Variants in IVL observed in about 807,000 individuals in gnomAD.
The protein encoded by IVL is involucrin.
For missense variants in IVL, 722 were observed against 624.9 expected, an observed-to-expected ratio of 1.16 and a Z score of -1.66; for synonymous variants, 257 against 271.0, an observed-to-expected ratio of 0.95 and a Z score of 0.51.
Position 152,910,383 on chromosome 1 carries a change from C to G in IVL, c.586C>G (p.Pro196Ala). Residue 196 changes from proline to alanine, a missense_variant, in exon 2 of 2, where the codon CCA (proline) becomes GCA (alanine). Physicochemically the swap from Pro to Ala is conservative, Grantham distance 27. Transcript: ENST00000368764. ...PEQQEGQLEL[P>A]EQQEGQLELP... ...GCAGCAGGAGGGGCAGCTGGAGCTCCCAGAGCAGCAGGAGGGGCAGCTGGA... is the reference window on the plus strand; with the variant it reads ...GCAGCAGGAGGGGCAGCTGGAGCTCGCAGAGCAGCAGGAGGGGCAGCTGGA... The G allele has an allele frequency of 1.9e-6, 2 of 1,080,252 alleles. No individual in the cohort carries two copies. Among genetic ancestry groups the G allele is most frequent in the South Asian group, 3.3e-5 (2 of 59,926 alleles). The allele number at this position is 1,080,252 out of a possible 1,614,324, so 66.9% of individuals were successfully genotyped here.
In IVL at chr1:152,910,312, A is replaced by T; in HGVS notation, c.515A>T (p.Gln172Leu). 1.9e-6 allele frequency: 3 copies of T among 1,591,302 alleles called. No individual in the cohort carries two copies. Among genetic ancestry groups the T allele is most frequent in the Non-Finnish European group, 2.6e-6 (3 of 1,164,748 alleles). ...HLKHLEQQEG[Q>L]LKHPEQQEGQ... ...AAGCACCTAGAGCAGCAGGAGGGAC[A>T]GCTGAAGCACCCGGAGCAGCAGGAG... Residue 172 changes from glutamine (Q) to leucine (L), a missense_variant, in exon 2 of 2, where the codon CAG becomes CTG. By Grantham distance (113) the Gln-to-Leu change is moderately radical. Coordinates refer to ENST00000368764, the MANE Select transcript of IVL (RefSeq NM_005547.4).
chr1:152,909,683 G>C (rs772461265), intron 1 of IVL, 96 bp from the exon 2 acceptor site: 10 of 906,202 alleles, frequency 1.1e-5, no homozygotes, highest in Non-Finnish European at 1.7e-5. Context: ...CAAGGGAAGA[G>C]GGGATGCTAA....
Position 152,911,285 on chromosome 1 carries a change from G to C in IVL, c.1488G>C (p.Gln496His). 3 of 1,564,150 alleles carry C rather than the reference G, an allele frequency of 1.9e-6. No homozygotes were observed. The highest frequency in any genetic ancestry group is 1.7e-6 in the Non-Finnish European group (2 of 1,154,216). Residue 496 changes from glutamine (Q) to histidine (H), a missense_variant, in exon 2 of 2, where the codon CAG becomes CAC. Gln to His is a conservative substitution (Grantham distance 24). Coordinates refer to ENST00000368764, the MANE Select transcript of IVL (RefSeq NM_005547.4). ...CACAGCTGGAGCTCCCAGAGCAGCAGGTAGGACAGCCAAAGCACCTGGAAC... is the reference window on the plus strand; with the variant it reads ...CACAGCTGGAGCTCCCAGAGCAGCACGTAGGACAGCCAAAGCACCTGGAAC... ...QEAQLELPEQ[Q>H]VGQPKHLEQQ...
At position 152,911,343 on chromosome 1, in the gene IVL, C is replaced by G; in HGVS notation, c.1546C>G (p.Gln516Glu). The change falls in exon 2 of 2, where the codon CAG becomes GAG. Residue 516 changes from glutamine to glutamate, a missense_variant. Coordinates refer to ENST00000368764, the MANE Select transcript of IVL (RefSeq NM_005547.4). ...QEKHLEHPEQ[Q>E]DGQLKHLEQQ... ...AAAGCACCTAGAGCACCCAGAGCAG[C>G]AGGACGGACAACTAAAACATCTGGA... The G allele has an allele frequency of 1.3e-6, 2 of 1,599,868 alleles. No individual in the cohort carries two copies. Among genetic ancestry groups the G allele is most frequent in the East Asian group, 2.3e-5 (1 of 44,172 alleles).
Position 152,911,586 on chromosome 1 carries a change from G to A in IVL, c.*31G>A, listed in dbSNP as rs778918915. ...CGCAGTGTCCAGAGGCCCTCAGATC[G>A]TCTCATACAAGGGAAGAGAGAGCCA... On this transcript the variant is annotated 3_prime_UTR_variant, in exon 2 of 2. Transcript: ENST00000368764. 1.2e-5 allele frequency: 18 copies of A among 1,562,676 alleles called. No homozygotes were observed. Among genetic ancestry groups the A allele is most frequent in the Middle Eastern group, 1.8e-4 (1 of 5,550 alleles).
chr1:152,909,650 AGGT>A, intron 1 of IVL, 126 bp from the exon 2 acceptor site: 1 of 675,874 alleles, frequency 1.5e-6, no homozygotes, highest in Non-Finnish European at 2.5e-6. Context: ...GATAGTCCAG[AGGT>A]GGTAGAACAG....
Position 152,911,641 on chromosome 1 carries a change from T to C in IVL, c.*86T>C, listed in dbSNP as rs1181385335. 3 of 1,274,078 alleles carry C rather than the reference T, an allele frequency of 2.4e-6. No individual in the cohort carries two copies. Among genetic ancestry groups the C allele is most frequent in the Non-Finnish European group, 3.3e-6 (3 of 912,684 alleles). 78.9% of individuals were successfully genotyped at this position (1,274,078 alleles called of 1,614,324 possible). A position where few individuals can be genotyped will look rare whatever the true frequency, so the allele number is the denominator to read the frequency against. On this transcript the variant is annotated 3_prime_UTR_variant, in exon 2 of 2. Transcript: ENST00000368764. Reference sequence around the variant, plus strand: ...CTCCACTTATTTCGGGTCCGCTAGGTGGCCCGTCTCATCTGTGAACTTGAC... The same window carrying C: ...CTCCACTTATTTCGGGTCCGCTAGGCGGCCCGTCTCATCTGTGAACTTGAC...
rs1649954111 is a variant in IVL, at chr1:152,910,802, GC to G, written c.1006del (p.Leu336TrpfsTer8). The G allele has an allele frequency of 6.6e-7, 1 of 1,524,560 alleles. No individual in the cohort carries two copies. Among genetic ancestry groups the G allele is most frequent in the Non-Finnish European group, 8.8e-7 (1 of 1,135,626 alleles). The allele number at this position is 1,524,560 out of a possible 1,614,324, so 94.4% of individuals were successfully genotyped here. ...AGCAGCAGGAGGGGCAACTGGAGCA[GC>G]TGGAGGAGCAGGAGGGGCAGCTGAA... The part of the protein sequence containing the change: ...LEQQEGQLEQ[L>X]EEQEGQLKHL... On this transcript the variant is annotated frameshift_variant, in exon 2 of 2. Coordinates refer to ENST00000368764, the MANE Select transcript of IVL (RefSeq NM_005547.4). LOFTEE classifies it low-confidence loss of function (END_TRUNC).
In IVL at chr1:152,911,334, C is replaced by G. The variant is rs747420489; in HGVS notation, c.1537C>G (p.Pro513Ala). 165 of 1,593,632 alleles carry G rather than the reference C, an allele frequency of 1.0e-4. No individual in the cohort carries two copies. The highest frequency in any genetic ancestry group is 1.3e-4 in the Non-Finnish European group (156 of 1,169,992). ...LEQQEKHLEHPEQQDGQLKHL... is the reference protein window; with the variant it reads ...LEQQEKHLEHAEQQDGQLKHL... ...ACAGCAGGAAAAGCACCTAGAGCAC[C>G]CAGAGCAGCAGGACGGACAACTAAA... The change falls in exon 2 of 2, where the codon CCA becomes GCA. Residue 513 changes from proline to alanine, a missense_variant. Transcript: ENST00000368764.
rs1363117295 is a variant in IVL at position 152,911,401 on chromosome 1, A to C, written c.1604A>C (p.Gln535Pro). ...QQEGQLKDLE[Q>P]QKGQLEQPVF... Reference sequence around the variant, plus strand: ...GAGGGGCAGCTGAAGGACCTGGAGCAGCAGAAGGGGCAGCTGGAGCAGCCT... The same window carrying C: ...GAGGGGCAGCTGAAGGACCTGGAGCCGCAGAAGGGGCAGCTGGAGCAGCCT... The change falls in exon 2 of 2, where the codon CAG (glutamine) becomes CCG (proline). Residue 535 changes from glutamine (Q) to proline (P), a missense_variant. Gln to Pro is a moderately conservative substitution (Grantham distance 76). Coordinates refer to ENST00000368764, the MANE Select transcript of IVL (RefSeq NM_005547.4). The C allele has an allele frequency of 6.2e-7, 1 of 1,613,872 alleles. No individual in the cohort carries two copies. Among genetic ancestry groups the C allele is most frequent in the Non-Finnish European group, 8.5e-7 (1 of 1,179,902 alleles).
At position 152,911,850 on chromosome 1, in the gene IVL, A is replaced by G. The variant is rs1650011220; in HGVS notation, c.*295A>G. The G allele has an allele frequency of 1.1e-5, 4 of 363,098 alleles. No individual in the cohort carries two copies. Among genetic ancestry groups the G allele is most frequent in the Non-Finnish European group, 2.1e-5 (4 of 193,174 alleles). 22.5% of individuals were successfully genotyped at this position (363,098 alleles called of 1,614,324 possible). On this transcript the variant is annotated 3_prime_UTR_variant, in exon 2 of 2. Transcript: ENST00000368764. ...GAAGCTGAATCAGTGAGTGTGTACA[A>G]TGATACATAATAAATCCTGGAAGTC...
Position 152,909,950 on chromosome 1 carries a change from C to G in IVL, c.153C>G (p.Leu51=), listed in dbSNP as rs1384510228. The G allele has an allele frequency of 6.2e-7, 1 of 1,614,046 alleles. No individual in the cohort carries two copies. Among genetic ancestry groups the G allele is most frequent in the African/African-American group, 1.3e-5 (1 of 74,896 alleles). Residue 51 remains leucine, a synonymous_variant, in exon 2 of 2, where the codon CTC becomes CTG. Transcript: ENST00000368764. Reference sequence around the variant, plus strand: ...CATGCCAGAAGGTGCCTGTCGAGCTCCCAGTGGAGGTCCCATCAAAGCAAG... The same window carrying G: ...CATGCCAGAAGGTGCCTGTCGAGCTGCCAGTGGAGGTCCCATCAAAGCAAG... ...PPPCQKVPVE[L]PVEVPSKQEE...
At chr1:152,909,665 A>T in intron 1 of IVL, 114 bp from the exon 2 acceptor site, 1 of 763,360 alleles carries the variant, frequency 1.3e-6, no homozygotes, top group Non-Finnish European at 2.1e-6. Flanking sequence ...GTAGAACAGT[A>T]CCCTGCCCAA....
Position 152,909,765 on chromosome 1 carries a change from C to T in IVL, c.-19-14C>T. The T allele has an allele frequency of 6.3e-7, 1 of 1,587,190 alleles. No homozygotes were observed. Among genetic ancestry groups the T allele is most frequent in the Non-Finnish European group, 8.6e-7 (1 of 1,165,380 alleles). ...TGCCTTCAGCCTGTGCATCAGACCT[C>T]TTCTGTCTTTCAGGTTGACAGTAGC... is the stretch of plus-strand genomic sequence containing the variant. On this transcript the variant is annotated splice_polypyrimidine_tract_variant and intron_variant, in intron 1 of 1. Transcript: ENST00000368764.
Position 152,910,960 on chromosome 1 carries a change from A to T in IVL, c.1163A>T (p.Glu388Val). Residue 388 changes from glutamate (E) to valine (V), a missense_variant, in exon 2 of 2, where the codon GAG becomes GTG. By Grantham distance (121) the Glu-to-Val change is moderately radical. Transcript: ENST00000368764. ...KQQGQPKHLE[E>V]EEGQLKHLVQ... ...CAGGGGCAGCCAAAGCACCTGGAGG[A>T]GGAGGAGGGGCAGCTGAAGCACCTG... 1 of 1,550,302 alleles carries T rather than the reference A, an allele frequency of 6.5e-7. No homozygotes were observed. Among genetic ancestry groups the T allele is most frequent in the Non-Finnish European group, 8.7e-7 (1 of 1,146,756 alleles).
Position 152,909,889 on chromosome 1 carries a change from AG to A in IVL, c.94del (p.Glu32SerfsTer3). 1 of 1,614,188 alleles carries A rather than the reference AG, an allele frequency of 6.2e-7. No individual in the cohort carries two copies. The highest frequency in any genetic ancestry group is 8.5e-7 in the Non-Finnish European group (1 of 1,180,040). On this transcript the variant is annotated frameshift_variant, in exon 2 of 2. Transcript: ENST00000368764. LOFTEE classifies it low-confidence loss of function (END_TRUNC). The stretch of plus-strand genomic sequence containing the variant: ...GTTCCTCCTCCAGTCAATACCCATC[AG>A]GAGCAAATGAAACAGCCAACTCCAC... ...KTVPPPVNTHQEQMKQPTPLP... is the reference protein window; with the variant it reads ...KTVPPPVNTHXEQMKQPTPLP...
In IVL at chr1:152,911,377, AG is replaced by A; in HGVS notation, c.1584del (p.Gln529SerfsTer2). The A allele has an allele frequency of 1.2e-6, 2 of 1,612,678 alleles. No individual in the cohort carries two copies. Among genetic ancestry groups the A allele is most frequent in the Non-Finnish European group, 1.7e-6 (2 of 1,179,212 alleles). The part of the protein sequence containing the change: ...DGQLKHLEQQ[E>X]GQLKDLEQQK... ...CAACTAAAACATCTGGAGCAGCAGG[AG>A]GGGCAGCTGAAGGACCTGGAGCAGC... On this transcript the variant is annotated frameshift_variant, in exon 2 of 2. Transcript: ENST00000368764. LOFTEE classifies it low-confidence loss of function (END_TRUNC).
rs746404464 is a variant in IVL at position 152,910,774 on chromosome 1, TG to T, written c.979del (p.Glu327SerfsTer17). On this transcript the variant is annotated frameshift_variant, in exon 2 of 2. Coordinates refer to ENST00000368764, the MANE Select transcript of IVL (RefSeq NM_005547.4). LOFTEE classifies it low-confidence loss of function (END_TRUNC). ...CAGCAGGAGGGGCAGCCTAAGCATC[TG>T]GAGCAGCAGGAGGGGCAACTGGAGC... ...LEQQEGQPKHLEQQEGQLEQL... is the reference protein window; with the variant it reads ...LEQQEGQPKHXEQQEGQLEQL... 7.4e-5 allele frequency: 113 copies of T among 1,522,966 alleles called. No homozygotes were observed. In the Admixed American group the frequency reaches 8.8e-4, roughly 12 times the overall value. 94.3% of individuals were successfully genotyped at this position (1,522,966 alleles called of 1,614,324 possible).
chr1:152,911,253 C>T lies in IVL; in HGVS notation c.1456C>T (p.Gln486Ter). The change falls in exon 2 of 2, where the codon CAG (glutamine) becomes TAG (stop). Residue 486 changes from glutamine (Q) to a stop codon, truncating the protein, a stop_gained. Transcript: ENST00000368764. LOFTEE classifies it low-confidence loss of function (END_TRUNC). ...GGGCCAGGTGAAGCACCTGGAGAAG[C>T]AGGAGGCACAGCTGGAGCTCCCAGA... ...QEGQVKHLEK[Q>*]EAQLELPEQQ... 6.4e-7 allele frequency: 1 copy of T among 1,555,948 alleles called. No homozygotes were observed. The highest frequency in any genetic ancestry group is 8.7e-7 in the Non-Finnish European group (1 of 1,149,768).
Sources: allele counts gnomAD v4.1 joint callset, GRCh38; gene constraint gnomAD v4.1.1; transcripts MANE v1.5; gene names NCBI Gene and HGNC (gene_info 2026-07-23, HGNC 2026-07-21).